Variants in FBXO34 observed in about 807,000 individuals in gnomAD.
FBXO34 encodes F-box protein 34.
A neutral mutation model predicts 24.5 loss-of-function variants in FBXO34; 12 were observed. The ratio of observed to expected loss-of-function variants is 0.49; its 90% CI spans 0.31 to 0.79. The LOEUF is 0.79. FBXO34 is among the 30% of genes least tolerant of loss of function. The probability of loss-of-function intolerance (pLI) is 0.04; values close to 1 mark genes in which losing one functional copy is unlikely to be tolerated. For synonymous variants in FBXO34, 320 were observed against 311.9 expected (o/e 1.03, Z -0.27); for missense variants, 823 against 857.7 (o/e 0.96, Z 0.51).
the FBXO34 span, among the ~76,000 whole-genome samples, chr14:55,422,755 A>AG: frequency 6.6e-6 from 1 of 152,098 alleles, no homozygotes. Flanking sequence ...CAGGAGGCCG[A>AG]GGCAGGAGAA....
the FBXO34 span, among the ~76,000 whole-genome samples, chr14:55,417,488 C>T: frequency 3.9e-4 from 57 of 145,858 alleles, 1 homozygote; most frequent in Non-Finnish European, 9.0e-5. Flanking sequence ...AAGTCTCGCT[C>T]GGTCACCCAG....
the FBXO34 span, chr14:55,380,840 G>C: frequency 4.3e-6 from 1 of 231,308 alleles, no homozygotes; most frequent in African/African-American, 3.4e-5. Context: ...GACATAAATG[G>C]TCCATTCTTT....
downstream of FBXO34, among the ~76,000 whole-genome samples, chr14:55,363,852 C>T (rs377030042): frequency 3.3e-5 from 5 of 152,056 alleles, no homozygotes; most frequent in East Asian, 5.8e-4. Flanking sequence ...AGATTGGACA[C>T]TCCTGCTTAA....
At chr14:55,285,712 A>G (rs1330257697) in intron 1 of FBXO34, among the ~76,000 whole-genome samples, 1 of 152,232 alleles carries the variant, frequency 6.6e-6, no homozygotes. Context: ...CTACTTAAAT[A>G]TTCAAGTTTT....
chr14:55,285,770 A>C (rs1881740864), intron 1 of FBXO34, among the ~76,000 whole-genome samples: 1 of 152,178 alleles, frequency 6.6e-6, no homozygotes, highest in Non-Finnish European at 1.5e-5. Context: ...CTTTAACCGA[A>C]CACTTGTTGA....
rs116827892 is a variant in FBXO34, at chr14:55,310,224, G to A, written c.-11+38687G>A. Among the ~76,000 whole-genome samples the A allele has an allele frequency of 4.5e-3, 691 of 152,274 alleles. 6 individuals carry two copies. Among genetic ancestry groups the A allele is most frequent in the African/African-American group, 0.016 (660 of 41,550 alleles). ...CTGTTTACCCAAAGTACTGGAGTGT[G>A]AACATAAAGGTTTGAATAAGACCAA... On this transcript the variant is annotated intron_variant, in intron 1 of 1. Coordinates refer to ENST00000313833, the MANE Select transcript of FBXO34 (RefSeq NM_017943.4).
chr14:55,436,989 CA>C, the FBXO34 span: 1 of 1,614,082 alleles, frequency 6.2e-7, no homozygotes. Flanking sequence ...CTGGGCTGAA[CA>C]GGGGAGACCT....
chr14:55,371,761 G>A (rs1006003952), downstream of FBXO34, among the ~76,000 whole-genome samples: 1 of 151,716 alleles, frequency 6.6e-6, no homozygotes, highest in Non-Finnish European at 1.5e-5. Flanking sequence ...CCGAGATGGC[G>A]CCAGTGCACT....
At chr14:55,274,315 C>T (rs1402178125) in intron 1 of FBXO34, among the ~76,000 whole-genome samples, 3 of 152,034 alleles carry the variant, frequency 2.0e-5, no homozygotes, top group African/African-American at 7.2e-5. Context: ...TGAGGGACAA[C>T]GACAGATATT....
chr14:55,352,409 A>G lies in FBXO34; in HGVS notation c.2019A>G (p.Lys673=), dbSNP rs1431702635. The stretch of plus-strand genomic sequence containing the variant: ...GGATGTGCTGCCACCGGTCTCAGAA[A>G]GGATTCCCTGGCTGTAAGCTGGGGC... ...GYWMCCHRSQ[K]GFPGCKLGLH... The change falls in exon 2 of 2, where the codon AAA becomes AAG. Residue 673 remains lysine, a synonymous_variant. Transcript: ENST00000313833. 6.2e-7 allele frequency: 1 copy of G among 1,614,256 alleles called. No homozygotes were observed. The highest frequency in any genetic ancestry group is 8.5e-7 in the Non-Finnish European group (1 of 1,180,052).
intron 1 of FBXO34, among the ~76,000 whole-genome samples, chr14:55,342,734 GT>G (rs1884032369): frequency 6.6e-6 from 1 of 152,136 alleles, no homozygotes; most frequent in African/African-American, 2.4e-5. Flanking sequence ...TATGGTTTAT[GT>G]GATCTGTCTG....
At chr14:55,392,536 C>G in the FBXO34 span, among the ~76,000 whole-genome samples, 1 of 151,544 alleles carries the variant, frequency 6.6e-6, no homozygotes, top group African/African-American at 2.4e-5. Flanking sequence ...ATAGTCCCAG[C>G]TACCAGGGAG....
chr14:55,321,407 T>G (rs1284565135), intron 1 of FBXO34, among the ~76,000 whole-genome samples: 1 of 151,862 alleles, frequency 6.6e-6, no homozygotes, highest in East Asian at 1.9e-4. Context: ...ACTTGCAATG[T>G]TTCTTTTTTT....
chr14:55,331,821 C>A (rs367551218), intron 1 of FBXO34, among the ~76,000 whole-genome samples: 1 of 49,468 alleles, frequency 2.0e-5, no homozygotes, highest in African/African-American at 9.6e-5. Context: ...TATACACCAC[C>A]GGGGTGTATA....
intron 1 of FBXO34, among the ~76,000 whole-genome samples, chr14:55,331,693 A>ATATATATATATGTATATATATATG (rs1197039211): frequency 6.0e-5 from 4 of 66,540 alleles, no homozygotes; most frequent in African/African-American, 1.9e-4. Flanking sequence ...ATGTGTATAT[A>ATATATATATATGTATATATATATG]TATATATATA....
chr14:55,440,826 G>A, the FBXO34 span, among the ~76,000 whole-genome samples: 1 of 152,126 alleles, frequency 6.6e-6, no homozygotes, highest in Non-Finnish European at 1.5e-5. Flanking sequence ...AGAAATTCTC[G>A]GTGCAAGTGC....
chr14:55,275,844 A>AAAAGG (rs1881322831), intron 1 of FBXO34, among the ~76,000 whole-genome samples: 3 of 147,724 alleles, frequency 2.0e-5, no homozygotes, highest in Non-Finnish European at 4.5e-5. Context: ...AAAAAAAACG[A>AAAAGG]GGATAAACTA....
intron 1 of FBXO34, among the ~76,000 whole-genome samples, chr14:55,328,574 G>C (rs554125251): frequency 1.3e-5 from 2 of 152,306 alleles, no homozygotes; most frequent in East Asian, 3.9e-4. Context: ...GGGTGCAATT[G>C]ATAACTTAAT....
At chr14:55,283,984 GTGTGTA>G (rs988247644) in intron 1 of FBXO34, among the ~76,000 whole-genome samples, 2 of 151,256 alleles carry the variant, frequency 1.3e-5, no homozygotes, top group Admixed American at 6.6e-5. Context: ...GTCTGTGTGT[GTGTGTA>G]TGTGTATGTA....
Sources: gnomAD v4.1 joint callset for allele counts (sites outside exome capture counted in the v4.1 genomes callset) on GRCh38, gnomAD v4.1.1 for gene constraint, MANE v1.5 for transcripts, NCBI Gene and HGNC (gene_info 2026-07-23, HGNC 2026-07-21) for gene names.